Variants in WNT4 observed in about 807,000 individuals in gnomAD.
The protein encoded by WNT4 is protein Wnt-4.
Under a neutral mutation model 34.5 loss-of-function variants are expected in WNT4, and 16 were observed. That is an observed-to-expected ratio of 0.46 (90% CI 0.31 to 0.70). The LOEUF is 0.70. Ranked by LOEUF, WNT4 falls within the 30% of genes least tolerant of loss-of-function variation. The pLI is 0.04. For synonymous variants in WNT4, 200 were observed against 211.9 expected, an observed-to-expected ratio of 0.94 and a Z score of 0.49; for missense variants, 379 against 495.9, an observed-to-expected ratio of 0.76 and a Z score of 2.24.
At position 22,120,043 on chromosome 1, in the gene WNT4, C is replaced by G. The variant is rs1307900560; in HGVS notation, c.*7G>C. ...AGGTGGTTGCCGGCGCAGGGCTAGG[C>G]AGGCGGTCATCGGCACGTGTGCAAC... On this transcript the variant is annotated 3_prime_UTR_variant, in exon 5 of 5. Coordinates refer to ENST00000290167, the MANE Select transcript of WNT4 (RefSeq NM_030761.5). The G allele has an allele frequency of 1.2e-6, 2 of 1,605,424 alleles. No homozygotes were observed. The highest frequency in any genetic ancestry group is 4.5e-5 in the East Asian group (2 of 44,866).
Position 22,120,302 on chromosome 1 carries a change from C to T in WNT4, c.804G>A (p.Glu268=). ...RNAQFKPHTD[E]DLVYLEPSPD... ...GGCTAGGCTCCAAGTACACCAGGTC[C>T]TCATCTGTGTGCGGCTTGAACTGTG... Residue 268 remains glutamate (E), a synonymous_variant, in exon 5 of 5, where the codon GAG becomes GAA. Coordinates refer to ENST00000290167, the MANE Select transcript of WNT4 (RefSeq NM_030761.5). 1 of 1,614,244 alleles carries T rather than the reference C, an allele frequency of 6.2e-7. No individual in the cohort carries two copies. The highest frequency in any genetic ancestry group is 1.1e-5 in the South Asian group (1 of 91,092).
intron 2 of WNT4, among the ~76,000 whole-genome samples, chr1:22,124,532 T>C (rs1232368478): frequency 2.0e-5 from 3 of 152,232 alleles, no homozygotes; most frequent in Non-Finnish European, 2.9e-5. Flanking sequence ...GAGGGCTTGC[T>C]ATGTGCTGTC....
chr1:22,121,557 G>A lies in WNT4; in HGVS notation c.333C>T (p.Phe111=), dbSNP rs753084464. Reference sequence around the variant, plus strand: ...CACCTGCCGAAGAGATGGCGTACACGAAGGCCGCCTCCCGAGTCCCTGTGG... The same window carrying A: ...CACCTGCCGAAGAGATGGCGTACACAAAGGCCGCCTCCCGAGTCCCTGTGG... ...VVTQGTREAA[F]VYAISSAGVA... The change falls in exon 3 of 5, where the codon TTC becomes TTT. Residue 111 remains phenylalanine (F), a synonymous_variant. Coordinates refer to ENST00000290167, the MANE Select transcript of WNT4 (RefSeq NM_030761.5). 9.3e-6 allele frequency: 15 copies of A among 1,613,530 alleles called. No homozygotes were observed. The Admixed American group carries it at 1.0e-4, about 11-fold the overall frequency.
rs1184525422 is a variant in WNT4, at chr1:22,142,840, A to C, written c.77+6T>G. The C allele has an allele frequency of 8.3e-7, 1 of 1,202,280 alleles. No individual in the cohort carries two copies. The highest frequency in any genetic ancestry group is 1.6e-5 in the African/African-American group (1 of 60,738). The allele number at this position is 1,202,280 out of a possible 1,614,324, so 74.5% of individuals were successfully genotyped here. On this transcript the variant is annotated splice_donor_region_variant and intron_variant, in intron 1 of 4. Transcript: ENST00000290167. The surrounding 1 kb of genome is among the most constrained non-coding windows in gnomAD (Gnocchi z 6.0). ...CCCCGCCCCGCTCGGCCCCGGCCAG[A>C]CTTACAGCCAGTTGCTCGCGGCGGC... is the stretch of plus-strand genomic sequence containing the variant.
chr1:22,135,499 T>G (rs1175420554), intron 1 of WNT4, among the ~76,000 whole-genome samples: 1 of 152,212 alleles, frequency 6.6e-6, no homozygotes, highest in East Asian at 1.9e-4. Context: ...GATTCTTCCC[T>G]TGATGGGTCT....
At chr1:22,130,863 G>T (rs1428469870) in intron 1 of WNT4, among the ~76,000 whole-genome samples, 2 of 152,178 alleles carry the variant, frequency 1.3e-5, no homozygotes, top group Non-Finnish European at 2.9e-5. Context: ...CCTACTTATG[G>T]GAATTCTTTC....
At chr1:22,131,961 C>T (rs1329916121) in intron 1 of WNT4, among the ~76,000 whole-genome samples, 3 of 152,200 alleles carry the variant, frequency 2.0e-5, no homozygotes, top group Non-Finnish European at 4.4e-5. Flanking sequence ...GCAGAGGCTG[C>T]ATTTGGAAGG....
At chr1:22,122,665 C>T (rs943503126) in intron 2 of WNT4, among the ~76,000 whole-genome samples, 3 of 148,664 alleles carry the variant, frequency 2.0e-5, no homozygotes, top group African/African-American at 2.5e-5. Flanking sequence ...TGTCTGTGTC[C>T]GCAGGAGCGG....
In WNT4 at chr1:22,139,312, C is replaced by T. The variant is rs563972385; in HGVS notation, c.77+3534G>A. On this transcript the variant is annotated intron_variant, in intron 1 of 4. Transcript: ENST00000290167. The surrounding 1 kb of genome is among the most constrained non-coding windows in gnomAD (Gnocchi z 4.6). ...CCTGGCCCAGTGCCAGCTTGCCACA[C>T]GCATGGGCTCGCTCTTTCTTCCCAA... Among the ~76,000 whole-genome samples, 6 of 152,350 alleles carry T rather than the reference C, an allele frequency of 3.9e-5. No individual in the cohort carries two copies. Among genetic ancestry groups the T allele is most frequent in the African/African-American group, 1.2e-4 (5 of 41,588 alleles).
Position 22,120,078 on chromosome 1 carries a change from C to T in WNT4, c.1028G>A (p.Arg343Gln), listed in dbSNP as rs745636495. The change falls in exon 5 of 5, where the codon CGG becomes CAG. Residue 343 changes from arginine (R) to glutamine (Q), a missense_variant. Around this residue, in one of 2 missense-constraint regions of WNT4, gnomAD observed 313 missense variants for 445.8 expected, o/e 0.70. Coordinates refer to ENST00000290167, the MANE Select transcript of WNT4 (RefSeq NM_030761.5). ...CCFVKCRQCQ[R>Q]LVELHTCR ...TCGGCACGTGTGCAACTCCACGAGC[C>T]GCTGGCACTGCCGGCACTTGACGAA... The T allele has an allele frequency of 9.3e-6, 15 of 1,611,484 alleles. No homozygotes were observed. The highest frequency in any genetic ancestry group is 4.4e-5 in the South Asian group (4 of 91,064).
intron 1 of WNT4, among the ~76,000 whole-genome samples, chr1:22,141,212 G>A (rs929620599): frequency 7.2e-5 from 11 of 152,212 alleles, no homozygotes; most frequent in South Asian, 2.1e-4. Context: ...TGCAGATGTC[G>A]CTGTCTTCCA....
chr1:22,128,339 G>A (rs1382890173), intron 2 of WNT4, among the ~76,000 whole-genome samples: 1 of 152,232 alleles, frequency 6.6e-6, no homozygotes, highest in African/African-American at 2.4e-5. Flanking sequence ...GGGCCTTGTC[G>A]ATGGATAGTG....
At position 22,127,827 on chromosome 1, in the gene WNT4, G is replaced by A. The variant is rs111534925; in HGVS notation, c.313+1789C>T. Among the ~76,000 whole-genome samples the A allele has an allele frequency of 1.8e-3, 278 of 152,332 alleles. 3 individuals carry two copies. The highest frequency in any genetic ancestry group is 6.3e-3 in the African/African-American group (261 of 41,584). ...GAGCCCAGAGGGAAGAGCTGAGAAG[G>A]TGTCGTGGAGGAGGGAACTGCTGAG... On this transcript the variant is annotated intron_variant, in intron 2 of 4. Transcript: ENST00000290167.
At chr1:22,126,242 A>T (rs961064625) in intron 2 of WNT4, among the ~76,000 whole-genome samples, 5 of 152,130 alleles carry the variant, frequency 3.3e-5, no homozygotes, top group Non-Finnish European at 5.9e-5. Context: ...GGAGCAGGGG[A>T]GGCTGTGAGA....
At chr1:22,128,743 G>T (rs1195802035) in intron 2 of WNT4, among the ~76,000 whole-genome samples, 1 of 150,038 alleles carries the variant, frequency 6.7e-6, no homozygotes, top group Non-Finnish European at 1.5e-5. Flanking sequence ...TTTTTGAGAC[G>T]GAGTCTAGCT....
At position 22,140,114 on chromosome 1, in the gene WNT4, A is replaced by T; in HGVS notation, c.77+2732T>A. ...GCAGACCCACCCTGGACTCCAGGGT[A>T]TTGGGAGGCGAGCGGAACCTAGACC... On this transcript the variant is annotated intron_variant, in intron 1 of 4. Transcript: ENST00000290167. This position sits in a 1 kb window ranked among gnomAD's most constrained non-coding sequence, Gnocchi z 5.9. The T allele has an allele frequency of 1.1e-6, 1 of 913,398 alleles. No homozygotes were observed. Among genetic ancestry groups the T allele is most frequent in the Non-Finnish European group, 1.3e-6 (1 of 764,200 alleles). The allele number at this position is 913,398 out of a possible 1,614,324, so 56.6% of individuals were successfully genotyped here.
intron 2 of WNT4, among the ~76,000 whole-genome samples, chr1:22,126,279 GC>G (rs1026758881): frequency 2.0e-5 from 3 of 152,212 alleles, no homozygotes; most frequent in East Asian, 3.9e-4. Flanking sequence ...CAGTGGGAGA[GC>G]CCCCCCAGCC....
chr1:22,140,881 C>T lies in WNT4; in HGVS notation c.77+1965G>A, dbSNP rs1396633998. Among the ~76,000 whole-genome samples, 1 of 152,216 alleles carries T rather than the reference C, an allele frequency of 6.6e-6. No homozygotes were observed. The highest frequency in any genetic ancestry group is 6.5e-5 in the Admixed American group (1 of 15,280). On this transcript the variant is annotated intron_variant, in intron 1 of 4. Coordinates refer to ENST00000290167, the MANE Select transcript of WNT4 (RefSeq NM_030761.5). This position sits in a 1 kb window ranked among gnomAD's most constrained non-coding sequence, Gnocchi z 5.9. ...CCAACCTCTCTTCTCCTAGGCTGCC[C>T]CTCCTCACCCCACCCCCAACAGCAC...
intron 1 of WNT4, among the ~76,000 whole-genome samples, chr1:22,135,035 T>C (rs1401929940): frequency 6.6e-6 from 1 of 152,178 alleles, no homozygotes; most frequent in African/African-American, 2.4e-5. Context: ...ATGTGTTTCC[T>C]GGCGACTGTC....
Sources: allele counts gnomAD v4.1 joint callset (sites outside exome capture counted in the v4.1 genomes callset), GRCh38; gene constraint gnomAD v4.1.1; regional missense constraint gnomAD v4.1.1; non-coding constraint Gnocchi (gnomAD v3.1); transcripts MANE v1.5; gene names NCBI Gene and HGNC (gene_info 2026-07-23, HGNC 2026-07-21).